RAB11FIP2: variants seen among roughly 807,000 people sequenced by gnomAD.
RAB11FIP2 encodes rab11 family-interacting protein 2.
A neutral mutation model predicts 40.9 loss-of-function variants in RAB11FIP2; 16 were observed. The observed-to-expected ratio is 0.39, with a 90% CI of 0.26 to 0.59. The LOEUF (loss-of-function observed/expected upper bound fraction) is 0.59. RAB11FIP2 is among the 20% of genes least tolerant of loss of function. The pLI is 0.53. For missense variants in RAB11FIP2, 532 were observed against 606.2 expected, an observed-to-expected ratio of 0.88 and a Z score of 1.28; for synonymous variants, 228 against 213.7, an observed-to-expected ratio of 1.07 and a Z score of -0.58.
chr10:118,033,867 T>A lies in RAB11FIP2; in HGVS notation c.1265+5105A>T, dbSNP rs565860750. 4.0e-4 allele frequency: 270 copies of A among 671,324 alleles called. 1 individual carries two copies. The highest frequency in any genetic ancestry group is 7.0e-5 in the Non-Finnish European group (26 of 368,884). 41.6% of individuals were successfully genotyped at this position (671,324 alleles called of 1,614,324 possible). A position where few individuals can be genotyped will look rare whatever the true frequency, so the allele number is the denominator to read the frequency against. On this transcript the variant is annotated intron_variant, in intron 3 of 4. Transcript: ENST00000355624. ...CTAAGTGCTCTAATAAATATATATA[T>A]AAATCTCAGTAACTTATATCCTGTG...
At chr10:118,026,764 T>C (rs1846348694) in intron 3 of RAB11FIP2, among the ~76,000 whole-genome samples, 2 of 152,244 alleles carry the variant, frequency 1.3e-5, no homozygotes, top group African/African-American at 2.4e-5. Context: ...CATAAGACTT[T>C]ACATCAATAT....
intron 3 of RAB11FIP2, among the ~76,000 whole-genome samples, chr10:118,032,920 T>A (rs1188900793): frequency 6.6e-6 from 1 of 152,082 alleles, no homozygotes; most frequent in Non-Finnish European, 1.5e-5. Flanking sequence ...TTACAGTGCT[T>A]GTGTTTGAGT....
chr10:118,012,716 C>T (rs1846173055), intron 4 of RAB11FIP2, among the ~76,000 whole-genome samples: 1 of 151,916 alleles, frequency 6.6e-6, no homozygotes, highest in African/African-American at 2.4e-5. Context: ...AAATTCATAA[C>T]TCTCTAAACT....
At position 118,040,514 on chromosome 10, in the gene RAB11FIP2, C is replaced by T; in HGVS notation, c.405G>A (p.Glu135=). 6.2e-7 allele frequency: 1 copy of T among 1,611,874 alleles called. No individual in the cohort carries two copies. Among genetic ancestry groups the T allele is most frequent in the Non-Finnish European group, 8.5e-7 (1 of 1,179,214 alleles). ...TCATAAACTGAATATTGACCTTTATCTCACCCCTGTTTTTGATTCGTTTTC... is the reference window on the plus strand; with the variant it reads ...TCATAAACTGAATATTGACCTTTATTTCACCCCTGTTTTTGATTCGTTTTC... ...KQGKRIKNRG[E]IKVNIQFMRN... The change falls in exon 2 of 5, where the codon GAG becomes GAA. Residue 135 remains glutamate (E), a synonymous_variant. Coordinates refer to ENST00000355624, the MANE Select transcript of RAB11FIP2 (RefSeq NM_014904.3).
Position 118,005,405 on chromosome 10 carries a change from A to G in RAB11FIP2, c.*3593T>C, listed in dbSNP as rs1846081063. On this transcript the variant is annotated 3_prime_UTR_variant, in exon 5 of 5. Coordinates refer to ENST00000355624, the MANE Select transcript of RAB11FIP2 (RefSeq NM_014904.3). ...AATTAGCTAAGGTGCTACCAATTGCATATTAAATACTTCCAATGATTGCAT... is the reference window on the plus strand; with the variant it reads ...AATTAGCTAAGGTGCTACCAATTGCGTATTAAATACTTCCAATGATTGCAT... The G allele has an allele frequency of 6.5e-6, 1 of 152,686 alleles. No homozygotes were observed. Among genetic ancestry groups the G allele is most frequent in the African/African-American group, 2.4e-5 (1 of 41,470 alleles). 9.5% of individuals were successfully genotyped at this position (152,686 alleles called of 1,614,324 possible). A position where few individuals can be genotyped will look rare whatever the true frequency, so the allele number is the denominator to read the frequency against.
chr10:118,042,613 T>C (rs1297720066), intron 1 of RAB11FIP2, among the ~76,000 whole-genome samples: 1 of 152,200 alleles, frequency 6.6e-6, no homozygotes, highest in Non-Finnish European at 1.5e-5. Context: ...TGCTAGAGTA[T>C]AAGCTCCTGG....
chr10:118,009,273 C>G (rs765351244), intron 4 of RAB11FIP2, 48 bp from the exon 5 acceptor site: 1 of 1,494,532 alleles, frequency 6.7e-7, no homozygotes, highest in South Asian at 1.2e-5. Context: ...ACATCTGGGA[C>G]AAACATTAAG....
At chr10:118,034,650 GA>G (rs1232352933) in intron 3 of RAB11FIP2, among the ~76,000 whole-genome samples, 2 of 151,974 alleles carry the variant, frequency 1.3e-5, no homozygotes, top group East Asian at 1.9e-4. Context: ...GATAAAGCAT[GA>G]AAAAAATTAG....
intron 3 of RAB11FIP2, among the ~76,000 whole-genome samples, chr10:118,018,635 T>C (rs963384174): frequency 6.6e-6 from 1 of 152,256 alleles, no homozygotes; most frequent in Admixed American, 6.5e-5. Context: ...CCCAGTAAAC[T>C]GTAATTCTAA....
chr10:118,039,868 C>G (rs1290103522), intron 2 of RAB11FIP2: 16 of 426,274 alleles, frequency 3.8e-5, no homozygotes, highest in Non-Finnish European at 6.6e-5. Flanking sequence ...AGCAGTAAAA[C>G]AGGCAGCCAA....
intron 3 of RAB11FIP2, among the ~76,000 whole-genome samples, chr10:118,036,759 C>T (rs982937789): frequency 2.3e-4 from 35 of 151,986 alleles, no homozygotes; most frequent in African/African-American, 7.7e-4. Flanking sequence ...TGAAAAACAA[C>T]TATTTTTTTT....
chr10:118,045,503 G>T, intron 1 of RAB11FIP2: 1 of 241,222 alleles, frequency 4.1e-6, no homozygotes, highest in Non-Finnish European at 8.0e-6. Flanking sequence ...TGAAGTTCTA[G>T]TTGGTCAATA....
rs1353951720 is a variant in RAB11FIP2 at position 118,045,927 on chromosome 10, T to C, written c.237A>G (p.Lys79=). 29 of 1,614,232 alleles carry C rather than the reference T, an allele frequency of 1.8e-5. No individual in the cohort carries two copies. Among genetic ancestry groups the C allele is most frequent in the Non-Finnish European group, 2.2e-5 (26 of 1,180,034 alleles). The change falls in exon 1 of 5, where the codon AAA becomes AAG. Residue 79 remains lysine, a synonymous_variant. Coordinates refer to ENST00000355624, the MANE Select transcript of RAB11FIP2 (RefSeq NM_014904.3). ...GCATAACTATAAGGAAAAGAATGTATTTCTCTGGACTTCCCTGAATTAGCA... is the reference window on the plus strand; with the variant it reads ...GCATAACTATAAGGAAAAGAATGTACTTCTCTGGACTTCCCTGAATTAGCA... ...PGLLIQGSPE[K]YILFLIVMHR...
At chr10:118,021,974 C>T (rs1278320346) in intron 3 of RAB11FIP2, among the ~76,000 whole-genome samples, 1 of 152,196 alleles carries the variant, frequency 6.6e-6, no homozygotes, top group Non-Finnish European at 1.5e-5. Flanking sequence ...ATCTCTTTAC[C>T]CTTTATAATG....
At chr10:118,027,683 A>G (rs1408994099) in intron 3 of RAB11FIP2, among the ~76,000 whole-genome samples, 1 of 152,208 alleles carries the variant, frequency 6.6e-6, no homozygotes, top group Non-Finnish European at 1.5e-5. Context: ...CCAGTCAGGG[A>G]ATGACATAGA....
chr10:118,026,079 A>G (rs1313779534), intron 3 of RAB11FIP2, among the ~76,000 whole-genome samples: 3 of 152,218 alleles, frequency 2.0e-5, no homozygotes, highest in Non-Finnish European at 4.4e-5. Context: ...ATAACCAAGG[A>G]AAAGCAAAAA....
chr10:118,029,222 C>A (rs933786240), intron 3 of RAB11FIP2, among the ~76,000 whole-genome samples: 8 of 152,190 alleles, frequency 5.3e-5, no homozygotes, highest in African/African-American at 1.9e-4. Flanking sequence ...CCAGTCCCCC[C>A]AATACCCCCC....
intron 3 of RAB11FIP2, among the ~76,000 whole-genome samples, chr10:118,031,928 A>G (rs899022962): frequency 6.6e-6 from 1 of 152,028 alleles, no homozygotes; most frequent in Non-Finnish European, 1.5e-5. Flanking sequence ...CCCCAAACAA[A>G]ATTCTCTGGT....
At position 118,008,904 on chromosome 10, in the gene RAB11FIP2, G is replaced by C; in HGVS notation, c.*94C>G. On this transcript the variant is annotated 3_prime_UTR_variant, in exon 5 of 5. Transcript: ENST00000355624. The stretch of plus-strand genomic sequence containing the variant: ...TAAAGGAGAATATGTAATGAAACCT[G>C]ATAGTGTAGTCTCTTTCAGTAACAA... The C allele has an allele frequency of 1.0e-6, 1 of 987,386 alleles. No homozygotes were observed. Among genetic ancestry groups the C allele is most frequent in the East Asian group, 2.4e-5 (1 of 41,792 alleles). The allele number at this position is 987,386 out of a possible 1,614,324, so 61.2% of individuals were successfully genotyped here.
Sources: allele counts gnomAD v4.1 joint callset (sites outside exome capture counted in the v4.1 genomes callset), GRCh38; gene constraint gnomAD v4.1.1; transcripts MANE v1.5; gene names NCBI Gene and HGNC (gene_info 2026-07-23, HGNC 2026-07-21).